EHBP1: variants seen among roughly 807,000 people sequenced by gnomAD.
EHBP1 encodes EH domain binding protein 1.
EHBP1 carries 55 observed loss-of-function variants against 144.0 expected under a neutral mutation model. The observed-to-expected ratio is 0.38, with a 90% CI of 0.31 to 0.48. The LOEUF is 0.48. Ranked by LOEUF, EHBP1 falls within the 20% of genes least tolerant of loss-of-function variation. The pLI, the probability that EHBP1 is intolerant of heterozygous loss-of-function variation, is 0.98. For missense variants in EHBP1, 1,200 were observed against 1,364.2 expected (o/e 0.88, Z 1.90); for synonymous variants, 469 against 472.7 (o/e 0.99, Z 0.10).
chr2:62,934,485 A>G (rs2056229484), intron 10 of EHBP1, among the ~76,000 whole-genome samples: 1 of 152,052 alleles, frequency 6.6e-6, no homozygotes, highest in African/African-American at 2.4e-5. Flanking sequence ...TTGACGGAAA[A>G]TGTATACAAT....
intron 14 of EHBP1, among the ~76,000 whole-genome samples, chr2:62,977,095 C>G (rs1297800393): frequency 6.6e-6 from 1 of 151,588 alleles, no homozygotes; most frequent in Non-Finnish European, 1.5e-5. Context: ...TGCCATCCTT[C>G]TATGTCAGTC....
At chr2:62,840,089 T>C (rs1366135314) in intron 7 of EHBP1, among the ~76,000 whole-genome samples, 2 of 151,516 alleles carry the variant, frequency 1.3e-5, no homozygotes, top group Non-Finnish European at 2.9e-5. Context: ...CTTCAAACTA[T>C]ACTACAAGGC....
intron 5 of EHBP1, among the ~76,000 whole-genome samples, chr2:62,777,992 A>G (rs2042161326): frequency 6.6e-6 from 1 of 152,214 alleles, no homozygotes; most frequent in South Asian, 2.1e-4. Context: ...CTGTTAACCC[A>G]ATGAATGTAA....
chr2:62,965,200 A>G (rs1384004154), intron 14 of EHBP1, among the ~76,000 whole-genome samples: 1 of 152,172 alleles, frequency 6.6e-6, no homozygotes, highest in Non-Finnish European at 1.5e-5. Flanking sequence ...CCTTTGAAAC[A>G]ATCCCCTTTC....
At chr2:62,688,236 A>C (rs1008790342) in intron 1 of EHBP1, among the ~76,000 whole-genome samples, 3 of 152,192 alleles carry the variant, frequency 2.0e-5, no homozygotes, top group African/African-American at 7.2e-5. Flanking sequence ...CAGTTTGTAA[A>C]TTTAATCAGC....
chr2:63,008,131 A>G (rs762062411), intron 19 of EHBP1, among the ~76,000 whole-genome samples: 1 of 151,782 alleles, frequency 6.6e-6, no homozygotes, highest in Non-Finnish European at 1.5e-5. Context: ...AGAAATGAAA[A>G]TTTAAATAAA....
intron 10 of EHBP1, among the ~76,000 whole-genome samples, chr2:62,926,163 CT>C (rs1204820267): frequency 1.3e-5 from 2 of 152,108 alleles, no homozygotes; most frequent in African/African-American, 4.8e-5. Context: ...AAGATAGTCT[CT>C]TCAATTAATT....
intron 1 of EHBP1, among the ~76,000 whole-genome samples, chr2:62,675,700 A>T (rs2033262001): frequency 6.6e-6 from 1 of 152,142 alleles, no homozygotes; most frequent in Admixed American, 6.5e-5. Context: ...ACCCATGGAG[A>T]GGTATCTTCC....
chr2:62,938,019 A>G (rs571729071), intron 10 of EHBP1, among the ~76,000 whole-genome samples: 5 of 152,348 alleles, frequency 3.3e-5, no homozygotes, highest in African/African-American at 1.2e-4. Context: ...AAATATGAGC[A>G]AAACTGCCTG....
intron 4 of EHBP1, among the ~76,000 whole-genome samples, chr2:62,770,678 A>G (rs988702977): frequency 6.6e-6 from 1 of 152,186 alleles, no homozygotes; most frequent in Non-Finnish European, 1.5e-5. Context: ...GAGGACTATA[A>G]ATCATTCTGC....
intron 6 of EHBP1, among the ~76,000 whole-genome samples, chr2:62,828,708 T>C (rs1019962872): frequency 2.0e-5 from 3 of 152,248 alleles, no homozygotes; most frequent in Non-Finnish European, 2.9e-5. Flanking sequence ...AAAATCTTGT[T>C]CTAATTCCTT....
At chr2:62,844,583 G>GT in intron 7 of EHBP1, among the ~76,000 whole-genome samples, 1 of 152,240 alleles carries the variant, frequency 6.6e-6, no homozygotes, top group Admixed American at 6.5e-5. Flanking sequence ...GCTTGAGCCA[G>GT]TATTTGGCAG....
intron 3 of EHBP1, among the ~76,000 whole-genome samples, chr2:62,760,357 G>A (rs895049297): frequency 7.2e-5 from 11 of 152,134 alleles, no homozygotes; most frequent in Non-Finnish European, 1.2e-4. Flanking sequence ...GCCAGAACTC[G>A]GTTAGACCTT....
intron 5 of EHBP1, among the ~76,000 whole-genome samples, chr2:62,799,209 A>G (rs1422570106): frequency 6.6e-6 from 1 of 152,146 alleles, no homozygotes; most frequent in Non-Finnish European, 1.5e-5. Flanking sequence ...ATTCATAATT[A>G]CATATTGAAA....
chr2:62,681,338 G>GTATATATATATATATA (rs1376388270), intron 1 of EHBP1, among the ~76,000 whole-genome samples: 6 of 16,906 alleles, frequency 3.5e-4, no homozygotes, highest in African/African-American at 8.7e-4. Flanking sequence ...GTATGTGTGT[G>GTATATATATATATATA]TGTATATATA....
upstream of EHBP1, among the ~76,000 whole-genome samples, chr2:62,702,634 G>C (rs1454148456): frequency 6.6e-6 from 1 of 152,074 alleles, no homozygotes; most frequent in Admixed American, 6.5e-5. Flanking sequence ...TTCCAGTCTT[G>C]GTACCAATTG....
intron 19 of EHBP1, among the ~76,000 whole-genome samples, chr2:62,999,388 G>T (rs2059763125): frequency 6.6e-6 from 1 of 152,042 alleles, no homozygotes; most frequent in South Asian, 2.1e-4. Flanking sequence ...GTAGCGTTTG[G>T]TACATTCACA....
chr2:62,830,507 T>C (rs2046752807), intron 6 of EHBP1, among the ~76,000 whole-genome samples: 1 of 152,200 alleles, frequency 6.6e-6, no homozygotes, highest in South Asian at 2.1e-4. Context: ...ATTTTTTACT[T>C]GTTCATTTGT....
At chr2:62,770,730 C>T (rs981715909) in intron 4 of EHBP1, among the ~76,000 whole-genome samples, 1 of 152,136 alleles carries the variant, frequency 6.6e-6, no homozygotes, top group African/African-American at 2.4e-5. Context: ...CAGCACTATT[C>T]ACAGTAGCAA....
Sources: allele counts gnomAD v4.1 joint callset (sites outside exome capture counted in the v4.1 genomes callset), GRCh38; gene constraint gnomAD v4.1.1; transcripts MANE v1.5; gene names NCBI Gene and HGNC (gene_info 2026-07-23, HGNC 2026-07-21).